Variants in PRKG1 observed in about 807,000 individuals in gnomAD.
PRKG1 encodes the protein protein kinase cGMP-dependent 1, also known as cGMP-dependent protein kinase 1.
Under a neutral mutation model 88.1 loss-of-function variants are expected in PRKG1, and 35 were observed. The observed-to-expected ratio is 0.40, with a 90% CI of 0.30 to 0.53. PRKG1 has a LOEUF of 0.53. PRKG1 is among the 20% of genes least tolerant of loss of function. The pLI, the probability that PRKG1 is intolerant of heterozygous loss-of-function variation, is 0.59. For missense variants in PRKG1, 540 were observed against 839.8 expected (o/e 0.64, Z 4.41); for synonymous variants, 303 against 292.5 (o/e 1.04, Z -0.37).
chr10:52,213,578 G>A lies in PRKG1; in HGVS notation c.1077-37992G>A, dbSNP rs145953495. 2.3e-3 allele frequency among the ~76,000 whole-genome samples: 344 copies of A among 152,302 alleles called. 4 individuals carry two copies. Among genetic ancestry groups the A allele is most frequent in the Non-Finnish European group, 2.3e-3 (159 of 68,018 alleles). On this transcript the variant is annotated intron_variant, in intron 9 of 17. Transcript: ENST00000373980. ...TTTGTTGCTCATTAGGGAAAAAAGA[G>A]CCATTTATCTCACTGGACTTGTGGG...
At chr10:51,019,677 C>T (rs549821282) in intron 1 of PRKG1, among the ~76,000 whole-genome samples, 2 of 151,482 alleles carry the variant, frequency 1.3e-5, no homozygotes, top group Non-Finnish European at 2.9e-5. Flanking sequence ...AATTGTGTCT[C>T]AAAAGACAAT....
intron 7 of PRKG1, among the ~76,000 whole-genome samples, chr10:52,107,136 G>A (rs1170621467): frequency 1.3e-5 from 2 of 152,178 alleles, no homozygotes; most frequent in Non-Finnish European, 2.9e-5. Context: ...AAGCAGCAGT[G>A]TCTGACCATT....
chr10:51,793,138 CA>C (rs775904836), intron 3 of PRKG1, among the ~76,000 whole-genome samples: 11,525 of 69,462 alleles, frequency 0.17, 354 homozygotes, highest in Middle Eastern at 0.26. Flanking sequence ...CAGCACACTG[CA>C]AAAAAAAAAA....
chr10:52,073,950 T>A (rs535070265), intron 7 of PRKG1, among the ~76,000 whole-genome samples: 7 of 152,236 alleles, frequency 4.6e-5, no homozygotes, highest in Non-Finnish European at 1.0e-4. Context: ...TCAAGATTAT[T>A]TAATAAACAA....
chr10:51,871,403 T>C (rs1841154231), intron 4 of PRKG1, among the ~76,000 whole-genome samples: 1 of 152,166 alleles, frequency 6.6e-6, no homozygotes. Flanking sequence ...CTAGGACTGG[T>C]TCTGAATCAC....
intron 2 of PRKG1, among the ~76,000 whole-genome samples, chr10:51,362,189 C>T (rs998508670): frequency 1.9e-4 from 29 of 151,894 alleles, no homozygotes; most frequent in African/African-American, 6.8e-4. Flanking sequence ...AGCTGGAGTA[C>T]AGTGGCATGA....
chr10:51,425,004 C>T (rs1838535414), intron 2 of PRKG1, among the ~76,000 whole-genome samples: 1 of 152,098 alleles, frequency 6.6e-6, no homozygotes, highest in Non-Finnish European at 1.5e-5. Flanking sequence ...AGCCCTCCCT[C>T]CTTCCTTTCC....
chr10:51,211,178 C>G (rs1371182458), intron 2 of PRKG1, among the ~76,000 whole-genome samples: 24 of 152,016 alleles, frequency 1.6e-4, no homozygotes, highest in Admixed American at 1.6e-3. Flanking sequence ...AATCGATAAA[C>G]GTAATCCAGC....
At chr10:51,927,553 C>A (rs1050491978) in intron 5 of PRKG1, among the ~76,000 whole-genome samples, 1 of 150,308 alleles carries the variant, frequency 6.7e-6, no homozygotes, top group African/African-American at 2.4e-5. Flanking sequence ...TTGGCAGCAG[C>A]AATCAAACAT....
chr10:52,148,632 T>C lies in PRKG1; in HGVS notation c.1002-13257T>C, dbSNP rs565060333. On this transcript the variant is annotated intron_variant, in intron 8 of 17. Coordinates refer to ENST00000373980, the MANE Select transcript of PRKG1 (RefSeq NM_006258.4). ...GTAGCATAGAGGGAGAAGAGAAGAA[T>C]CGGGAAAGTGGGGCATCAGTGATCA... is the stretch of plus-strand genomic sequence containing the variant. Among the ~76,000 whole-genome samples, 172 of 151,956 alleles carry C rather than the reference T, an allele frequency of 1.1e-3. No individual in the cohort carries two copies. The South Asian group carries it at 0.032, about 28-fold the overall frequency.
intron 2 of PRKG1, among the ~76,000 whole-genome samples, chr10:51,377,518 G>A (rs935813862): frequency 6.6e-6 from 1 of 152,096 alleles, no homozygotes; most frequent in Non-Finnish European, 1.5e-5. Context: ...TAGCACTGCT[G>A]AAAAGACAAC....
chr10:51,914,037 C>T (rs1842283571), intron 5 of PRKG1, among the ~76,000 whole-genome samples: 1 of 152,050 alleles, frequency 6.6e-6, no homozygotes. Context: ...GATCCAATCT[C>T]CTCTTTCTTA....
At chr10:52,264,117 GT>G (rs1290866418) in intron 10 of PRKG1, among the ~76,000 whole-genome samples, 3 of 151,866 alleles carry the variant, frequency 2.0e-5, no homozygotes, top group Admixed American at 6.6e-5. Context: ...AGAACAGGAT[GT>G]CTACATTGCT....
At chr10:51,420,415 T>C (rs1838376590) in intron 2 of PRKG1, among the ~76,000 whole-genome samples, 1 of 152,132 alleles carries the variant, frequency 6.6e-6, no homozygotes, top group Non-Finnish European at 1.5e-5. Flanking sequence ...AACTCCCAGT[T>C]GATGCCCAGG....
At chr10:51,262,875 C>T (rs541837595) in intron 2 of PRKG1, among the ~76,000 whole-genome samples, 1 of 150,552 alleles carries the variant, frequency 6.6e-6, no homozygotes, top group East Asian at 1.9e-4. Context: ...GATCCAATCG[C>T]CTCCCATCAA....
At chr10:52,115,686 G>A (rs1357213118) in intron 7 of PRKG1, among the ~76,000 whole-genome samples, 1 of 152,088 alleles carries the variant, frequency 6.6e-6, no homozygotes, top group Non-Finnish European at 1.5e-5. Context: ...AGCCTACTCT[G>A]ATCACGCTGC....
Position 52,282,146 on chromosome 10 carries a change from T to C in PRKG1, c.1546-7T>C, listed in dbSNP as rs1436490223. The C allele has an allele frequency of 5.7e-6, 9 of 1,589,984 alleles. No individual in the cohort carries two copies. The highest frequency in any genetic ancestry group is 7.7e-6 in the Non-Finnish European group (9 of 1,167,940). On this transcript the variant is annotated splice_polypyrimidine_tract_variant and splice_region_variant and intron_variant, in intron 13 of 17. Transcript: ENST00000373980. ...GCTTAAGTATCTTGTTTTTCTCTCT[T>C]TGTAAGGTTGATTTTGGCTTTGCAA... is the stretch of plus-strand genomic sequence containing the variant.
At chr10:51,968,214 G>A (rs756090096) in intron 5 of PRKG1, among the ~76,000 whole-genome samples, 32 of 152,122 alleles carry the variant, frequency 2.1e-4, no homozygotes, top group Admixed American at 3.3e-4. Flanking sequence ...TATTCACGCT[G>A]AAGATGGACA....
At chr10:52,140,912 C>A (rs1047992706) in intron 8 of PRKG1, among the ~76,000 whole-genome samples, 1 of 152,084 alleles carries the variant, frequency 6.6e-6, no homozygotes, top group East Asian at 1.9e-4. Context: ...CATGTCACAT[C>A]GCCCGTTGTC....
Sources: allele counts gnomAD v4.1 joint callset (sites outside exome capture counted in the v4.1 genomes callset), GRCh38; gene constraint gnomAD v4.1.1; transcripts MANE v1.5; gene names NCBI Gene and HGNC (gene_info 2026-07-23, HGNC 2026-07-21).